The following NAA25 variants were observed in gnomAD, a reference collection of about 807,000 sequenced individuals.
The protein encoded by NAA25 is N-terminal acetyltransferase B complex subunit NAA25.
Under a neutral mutation model 132.5 loss-of-function variants are expected in NAA25, and 30 were observed. The observed-to-expected ratio is 0.23, with a 90% CI of 0.17 to 0.31. The LOEUF (loss-of-function observed/expected upper bound fraction) is 0.31, where lower values mean the gene tolerates loss of function less well. Ranked by LOEUF, NAA25 falls within the 10% of genes least tolerant of loss-of-function variation. The probability of loss-of-function intolerance (pLI) is 1.00; values close to 1 mark genes in which losing one functional copy is unlikely to be tolerated. For synonymous variants in NAA25, 359 were observed against 401.9 expected, an observed-to-expected ratio of 0.89 and a Z score of 1.28; for missense variants, 771 against 1,150.4, an observed-to-expected ratio of 0.67 and a Z score of 4.77.
At chr12:112,095,103 A>C (rs557342533) in intron 1 of NAA25, among the ~76,000 whole-genome samples, 1 of 152,078 alleles carries the variant, frequency 6.6e-6, no homozygotes, top group Non-Finnish European at 1.5e-5. Flanking sequence ...GAAGTACAAG[A>C]CCAGCCCAGG....
chr12:112,037,381 A>G (rs537724111), intron 22 of NAA25, among the ~76,000 whole-genome samples: 2 of 143,094 alleles, frequency 1.4e-5, no homozygotes, highest in African/African-American at 5.1e-5. Context: ...ATTTTACAAA[A>G]TAATAGCAGC....
At chr12:112,069,246 C>T (rs1048995831) in intron 10 of NAA25, 1 of 338,950 alleles carries the variant, frequency 3.0e-6, no homozygotes, top group African/African-American at 2.1e-5. Context: ...GTAGCTCACA[C>T]CTGTAATCCC....
chr12:112,095,740 T>C (rs2079204377), intron 1 of NAA25, among the ~76,000 whole-genome samples: 1 of 151,848 alleles, frequency 6.6e-6, no homozygotes, highest in Admixed American at 6.6e-5. Context: ...CTGAAAAGGC[T>C]ATATACTATA....
Position 112,048,361 on chromosome 12 carries a change from T to C in NAA25, c.1811A>G (p.Asn604Ser), listed in dbSNP as rs1485351456. 2.6e-5 allele frequency: 42 copies of C among 1,613,970 alleles called. No individual in the cohort carries two copies. Among genetic ancestry groups the C allele is most frequent in the Non-Finnish European group, 3.5e-5 (41 of 1,179,984 alleles). Residue 604 changes from asparagine (N) to serine (S), a missense_variant, in exon 16 of 24, where the codon AAT becomes AGT. Physicochemically the swap from Asn to Ser is conservative, Grantham distance 46 (BLOSUM62 1). Coordinates refer to ENST00000261745, the MANE Select transcript of NAA25 (RefSeq NM_024953.4). ...GACTTGTGCAAAATGAAGAGAATTA[T>C]TCAGCCTGTTCCTAAAAGCGATAAA... The part of the protein sequence containing the change: ...PEFIAFRNRL[N>S]NSLHFAQVRT...
At chr12:112,063,276 G>C (rs1480534547) in intron 11 of NAA25, among the ~76,000 whole-genome samples, 2 of 152,092 alleles carry the variant, frequency 1.3e-5, no homozygotes, top group East Asian at 3.8e-4. Context: ...AAGGGCACCA[G>C]GTGTCCCTAA....
At chr12:112,036,967 A>G (rs2078232163) in intron 22 of NAA25, among the ~76,000 whole-genome samples, 1 of 152,034 alleles carries the variant, frequency 6.6e-6, no homozygotes, top group Admixed American at 6.6e-5. Flanking sequence ...CCCCAATAGC[A>G]ATGAGCACAC....
At chr12:112,080,290 A>C (rs1479123775) in intron 5 of NAA25, among the ~76,000 whole-genome samples, 1 of 151,086 alleles carries the variant, frequency 6.6e-6, no homozygotes, top group Non-Finnish European at 1.5e-5. Context: ...AAAAAAAAAA[A>C]AAAAAAAAAA....
intron 11 of NAA25, among the ~76,000 whole-genome samples, chr12:112,067,955 C>G (rs2078743720): frequency 6.6e-6 from 1 of 152,106 alleles, no homozygotes; most frequent in Admixed American, 6.6e-5. Flanking sequence ...CCAGGCTGGT[C>G]TTGAACTCCT....
intron 13 of NAA25, among the ~76,000 whole-genome samples, chr12:112,059,075 C>CAAAAAAAAAAAAAA (rs530305102): frequency 6.3e-5 from 4 of 63,234 alleles, no homozygotes; most frequent in South Asian, 4.8e-4. Flanking sequence ...CTCCATCTCA[C>CAAAAAAAAAAAAAA]AAAAAAAAAA....
chr12:112,099,463 TAA>T (rs1254436901), intron 1 of NAA25, among the ~76,000 whole-genome samples: 2 of 152,124 alleles, frequency 1.3e-5, no homozygotes, highest in Non-Finnish European at 2.9e-5. Flanking sequence ...AATTTAATTT[TAA>T]AAGTCACCTT....
At chr12:112,033,465 G>T in intron 22 of NAA25, 86 bp from the exon 23 acceptor site, 1 of 1,267,324 alleles carries the variant, frequency 7.9e-7, no homozygotes, top group Non-Finnish European at 1.1e-6. Context: ...AGATGTGAGG[G>T]AATTTAAATA....
intron 17 of NAA25, among the ~76,000 whole-genome samples, chr12:112,047,229 CTTTTTTTT>C: frequency 8.4e-6 from 1 of 119,184 alleles, no homozygotes; most frequent in East Asian, 2.3e-4. Flanking sequence ...CATCCTAATT[CTTTTTTTT>C]TTTTTTTTTT....
chr12:112,042,340 G>A (rs934391269), intron 19 of NAA25: 6 of 239,796 alleles, frequency 2.5e-5, no homozygotes, highest in African/African-American at 1.4e-4. Flanking sequence ...AATTCCTTAA[G>A]AGAGCTTAAA....
chr12:112,098,200 C>T (rs2079243814), intron 1 of NAA25, among the ~76,000 whole-genome samples: 1 of 150,956 alleles, frequency 6.6e-6, no homozygotes, highest in Non-Finnish European at 1.5e-5. Context: ...GAAAAAGAAG[C>T]TTCAGGTCCT....
intron 11 of NAA25, among the ~76,000 whole-genome samples, chr12:112,065,073 G>T (rs1405576481): frequency 6.7e-6 from 1 of 150,034 alleles, no homozygotes; most frequent in Admixed American, 6.7e-5. Context: ...ACTAGAATCA[G>T]CCAGGCATGG....
At chr12:112,078,797 A>G in intron 5 of NAA25, 56 bp from the exon 6 acceptor site, 2 of 1,378,512 alleles carry the variant, frequency 1.5e-6, no homozygotes, top group South Asian at 1.2e-5. Flanking sequence ...CACTATTGAT[A>G]TTAACATTAC....
At chr12:112,108,626 C>G in intron 1 of NAA25, 90 bp downstream of exon 1, 1 of 1,217,594 alleles carries the variant, frequency 8.2e-7, no homozygotes, top group Non-Finnish European at 1.0e-6. Flanking sequence ...GCCCGCGCGC[C>G]GGCCCTCAGC....
At chr12:112,032,515 C>G (rs1419079236) in intron 23 of NAA25, among the ~76,000 whole-genome samples, 1 of 152,192 alleles carries the variant, frequency 6.6e-6, no homozygotes, top group Non-Finnish European at 1.5e-5. Context: ...CAGTTTAGCT[C>G]AGACAAACTC....
In NAA25 at chr12:112,093,068, C is replaced by A. The variant is rs1178442899; in HGVS notation, c.127G>T (p.Asp43Tyr). Residue 43 changes from aspartate (D) to tyrosine (Y), a missense_variant, in exon 2 of 24, where the codon GAT becomes TAT. Around this residue, in one of 3 missense-constraint regions of NAA25, gnomAD observed 417 missense variants for 733.8 expected, o/e 0.57. Coordinates refer to ENST00000261745, the MANE Select transcript of NAA25 (RefSeq NM_024953.4). ...GAAGTTACCTTAGCACAATGAAGAT[C>A]CTTATGTTTCTTCAACAGTTTATCT... is the stretch of plus-strand genomic sequence containing the variant. ...QADKLLKKHKDLHCAKVLKAI... is the reference protein window; with the variant it reads ...QADKLLKKHKYLHCAKVLKAI... The A allele has an allele frequency of 1.9e-6, 3 of 1,610,494 alleles. No individual in the cohort carries two copies. Among genetic ancestry groups the A allele is most frequent in the East Asian group, 2.2e-5 (1 of 44,798 alleles).
Sources: gnomAD v4.1 joint callset for allele counts (sites outside exome capture counted in the v4.1 genomes callset) on GRCh38, gnomAD v4.1.1 for gene constraint, gnomAD v4.1.1 regional missense constraint, MANE v1.5 for transcripts, NCBI Gene and HGNC (gene_info 2026-07-23, HGNC 2026-07-21) for gene names.